Variants in LONRF3 observed in about 807,000 individuals in gnomAD.
The protein encoded by LONRF3 is LON peptidase N-terminal domain and ring finger 3, also known as LON peptidase N-terminal domain and RING finger protein 3.
LONRF3 carries 19 observed loss-of-function variants against 51.7 expected under a neutral mutation model. The observed-to-expected ratio is 0.37, with a 90% CI of 0.26 to 0.54. The LOEUF is 0.54. Among genes scored for constraint, LONRF3 ranks in the 20% least tolerant of loss-of-function variants. LONRF3 has a pLI of 0.86. For missense variants in LONRF3, 521 were observed against 623.9 expected, an observed-to-expected ratio of 0.84 and a Z score of 1.76; for synonymous variants, 265 against 257.8, an observed-to-expected ratio of 1.03 and a Z score of -0.27.
chrX:118,998,474 G>A (rs1404114481), intron 5 of LONRF3, among the ~76,000 whole-genome samples: 1 of 109,095 alleles, frequency 9.2e-6, no homozygotes, highest in Non-Finnish European at 1.9e-5. Flanking sequence ...GTGGGAAGGG[G>A]GTGAAGAATA....
Position 118,989,619 on chromosome X carries a change from G to C in LONRF3, c.1271G>C (p.Cys424Ser), listed in dbSNP as rs138316235. The change falls in exon 4 of 11, where the codon TGC becomes TCC. Residue 424 changes from cysteine to serine, a missense_variant. Physicochemically the swap from Cys to Ser is moderately radical, Grantham distance 112 (BLOSUM62 -1). Around this residue, in one of 2 missense-constraint regions of LONRF3, gnomAD observed 376 missense variants for 376.7 expected, o/e 1.00. Transcript: ENST00000371628. Reference sequence around the variant, plus strand: ...TGCCAGGAAAAGAAAAGGAAACATTGCCAGATTGAATCCCAAGAAGAAACG... The same window carrying C: ...TGCCAGGAAAAGAAAAGGAAACATTCCCAGATTGAATCCCAAGAAGAAACG... ...GKCQEKKRKH[C>S]QIESQEETGM... 9.1e-6 allele frequency: 11 copies of C among 1,209,407 alleles called. No individual in the cohort carries two copies. In the African/African-American group the frequency reaches 1.1e-4, roughly 12 times the overall value.
chrX:118,983,016 G>C, intron 3 of LONRF3, 73 bp downstream of exon 3: 2 of 1,122,355 alleles, frequency 1.8e-6, no homozygotes, highest in Non-Finnish European at 2.4e-6. Flanking sequence ...GAAGGGGAGT[G>C]AGGGTGCTGT....
chrX:118,999,457 C>T (rs930569923), intron 5 of LONRF3, among the ~76,000 whole-genome samples: 3 of 110,453 alleles, frequency 2.7e-5, no homozygotes, highest in African/African-American at 1.0e-4. Flanking sequence ...CCATGATGTG[C>T]GCTGTGGAGT....
intron 4 of LONRF3, 42 bp from the exon 5 acceptor site, chrX:118,990,428 C>T (rs776677311): frequency 3.8e-5 from 40 of 1,048,122 alleles, no homozygotes; most frequent in Admixed American, 6.7e-5. Context: ...TCTATGAAAC[C>T]GGGGTGGCTC....
intron 5 of LONRF3, among the ~76,000 whole-genome samples, 159 bp from the exon 6 acceptor site, chrX:119,005,962 G>C (rs991428593): frequency 9.0e-6 from 1 of 111,606 alleles, no homozygotes; most frequent in Admixed American, 9.5e-5. Flanking sequence ...AAAATGAAAG[G>C]CAAATGTTTA....
chrX:118,974,863 C>T lies in LONRF3; in HGVS notation c.83C>T (p.Ala28Val), dbSNP rs1169584737. Residue 28 changes from alanine to valine, a missense_variant, in exon 1 of 11, where the codon GCA becomes GTA. This residue lies in a region of LONRF3 where 376 missense variants were observed against 376.7 expected (regional missense o/e 1.00). Coordinates refer to ENST00000371628, the MANE Select transcript of LONRF3 (RefSeq NM_001031855.3). ...SDNLESAERG[A>V]SAAQVDMGPH... The stretch of plus-strand genomic sequence containing the variant: ...AACTTGGAGTCGGCGGAGCGAGGGG[C>T]ATCAGCGGCCCAAGTAGACATGGGC... 8.3e-7 allele frequency: 1 copy of T among 1,205,162 alleles called. No individual in the cohort carries two copies. The highest frequency in any genetic ancestry group is 1.7e-5 in the African/African-American group (1 of 57,505).
chrX:119,016,870 G>A (rs1925497565), intron 10 of LONRF3, among the ~76,000 whole-genome samples: 1 of 111,666 alleles, frequency 9.0e-6, no homozygotes, highest in Non-Finnish European at 1.9e-5. Context: ...GGAATCGAAG[G>A]CCTGAATGTT....
At chrX:118,977,275 G>A (rs1238291509) in intron 1 of LONRF3, among the ~76,000 whole-genome samples, 1 of 110,980 alleles carries the variant, frequency 9.0e-6, no homozygotes, top group Non-Finnish European at 1.9e-5. Flanking sequence ...CTTAACTCTA[G>A]ATCTCTAAGG....
chrX:118,999,936 G>T (rs1191434842), intron 5 of LONRF3, among the ~76,000 whole-genome samples: 1 of 111,922 alleles, frequency 8.9e-6, no homozygotes, highest in Non-Finnish European at 1.9e-5. Flanking sequence ...GGATCTTGAG[G>T]TTCTGAAAAC....
intron 2 of LONRF3, among the ~76,000 whole-genome samples, chrX:118,980,206 C>G (rs1569475122): frequency 8.9e-6 from 1 of 111,732 alleles, no homozygotes; most frequent in East Asian, 2.8e-4. Flanking sequence ...AGTCCATGAT[C>G]CCTTATCTGA....
rs777302500 is a variant in LONRF3, at chrX:118,985,714, T to C, written c.1059+2771T>C. Reference sequence around the variant, plus strand: ...AGATGCTATATTATGGTGCACTCTCTACTACTGTGTAGAACAGGACTGGAA... The same window carrying C: ...AGATGCTATATTATGGTGCACTCTCCACTACTGTGTAGAACAGGACTGGAA... On this transcript the variant is annotated intron_variant, in intron 3 of 10. Coordinates refer to ENST00000371628, the MANE Select transcript of LONRF3 (RefSeq NM_001031855.3). Among the ~76,000 whole-genome samples, 10 of 111,712 alleles carry C rather than the reference T, an allele frequency of 9.0e-5. 1 individual carries two copies. The South Asian group carries it at 3.8e-3, about 43-fold the overall frequency.
At chrX:118,975,712 GACCCATGGACTGTGGC>G in intron 1 of LONRF3, 115 bp downstream of exon 1, 6 of 233,002 alleles carry the variant, frequency 2.6e-5, no homozygotes, top group Non-Finnish European at 2.9e-5. Context: ...GGGGGCGGGG[GACCCATGGACTGTGGC>G]GGGGTGGGGG....
intron 6 of LONRF3, 35 bp downstream of exon 6, chrX:119,006,270 C>A: frequency 1.0e-6 from 1 of 1,000,828 alleles, no homozygotes; most frequent in Non-Finnish European, 1.4e-6. Context: ...TGGTTTAAAT[C>A]AGTATTTCTT....
chrX:118,982,843 C>T lies in LONRF3; in HGVS notation c.959C>T (p.Ala320Val), dbSNP rs144052230. The change falls in exon 3 of 11, where the codon GCC becomes GTC. Residue 320 changes from alanine to valine, a missense_variant. By Grantham distance (64) the Ala-to-Val change is moderately conservative (BLOSUM62 0). Around this residue, in one of 2 missense-constraint regions of LONRF3, gnomAD observed 376 missense variants for 376.7 expected, o/e 1.00. Coordinates refer to ENST00000371628, the MANE Select transcript of LONRF3 (RefSeq NM_001031855.3). ...CAGGCACATTTCAGAAAAGCCCAAG[C>T]CTTAGCCACCCTAGGCAAGGTGGAG... ...GFKAHFRKAQ[A>V]LATLGKVEEA... The T allele has an allele frequency of 1.7e-6, 2 of 1,209,347 alleles. No individual in the cohort carries two copies. Among genetic ancestry groups the T allele is most frequent in the African/African-American group, 3.5e-5 (2 of 57,101 alleles).
At chrX:119,010,168 G>A (rs2316009) in intron 7 of LONRF3, among the ~76,000 whole-genome samples, 1,510 of 111,820 alleles carry the variant, frequency 0.014, 23 homozygotes, top group African/African-American at 0.047. Flanking sequence ...TTTCTCTGCC[G>A]TGCACAGGTA....
At chrX:118,994,271 A>C (rs1384186267) in intron 5 of LONRF3, among the ~76,000 whole-genome samples, 10 of 111,788 alleles carry the variant, frequency 8.9e-5, no homozygotes, top group African/African-American at 3.3e-4. Context: ...CTCACCAACC[A>C]TCTGCTGCCT....
chrX:119,009,359 A>G, intron 7 of LONRF3, 112 bp downstream of exon 7: 1 of 823,461 alleles, frequency 1.2e-6, no homozygotes, highest in Non-Finnish European at 1.7e-6. Context: ...GCTGCTTGAA[A>G]TTGGCTATGG....
Position 119,017,929 on chromosome X carries a change from G to A in LONRF3, c.*239G>A. The A allele has an allele frequency of 3.8e-6, 1 of 263,651 alleles. No individual in the cohort carries two copies. Among genetic ancestry groups the A allele is most frequent in the Non-Finnish European group, 6.6e-6 (1 of 150,915 alleles). The allele number at this position is 263,651 out of a possible 1,213,427, so 21.7% of individuals were successfully genotyped here. ...GCATAACTACATAAACAGCAGAGGT[G>A]TTTAAGAGCCCAGAAAAACATAATT... is the stretch of plus-strand genomic sequence containing the variant. On this transcript the variant is annotated 3_prime_UTR_variant, in exon 11 of 11. Coordinates refer to ENST00000371628, the MANE Select transcript of LONRF3 (RefSeq NM_001031855.3).
intron 5 of LONRF3, among the ~76,000 whole-genome samples, chrX:119,005,435 T>C (rs986607507): frequency 1.8e-5 from 2 of 112,297 alleles, no homozygotes; most frequent in African/African-American, 6.5e-5. Context: ...TGTATGTATA[T>C]ATATGTATGT....
Sources: allele counts gnomAD v4.1 joint callset (sites outside exome capture counted in the v4.1 genomes callset), GRCh38; gene constraint gnomAD v4.1.1; regional missense constraint gnomAD v4.1.1; transcripts MANE v1.5; gene names NCBI Gene and HGNC (gene_info 2026-07-23, HGNC 2026-07-21).